The following FMN1 variants were observed in gnomAD, a reference collection of about 807,000 sequenced individuals.
FMN1 encodes the protein formin-1.
In FMN1, 110 loss-of-function variants were observed where a neutral mutation model predicts 132.4. The ratio of observed to expected loss-of-function variants is 0.83; its 90% CI spans 0.71 to 0.97. FMN1 has a LOEUF of 0.97. FMN1 is among the 50% of genes least tolerant of loss of function. FMN1 has a pLI of 0.00. For synonymous variants in FMN1, 722 were observed against 651.7 expected, an observed-to-expected ratio of 1.11 and a Z score of -1.64; for missense variants, 1,792 against 1,705.3, an observed-to-expected ratio of 1.05 and a Z score of -0.90.
chr15:32,982,845 A>G (rs1335294838), intron 7 of FMN1, among the ~76,000 whole-genome samples: 2 of 152,010 alleles, frequency 1.3e-5, no homozygotes, highest in Non-Finnish European at 2.9e-5. Context: ...GCCCTCCTGA[A>G]TCTCAGGCCT....
At chr15:33,076,226 G>A (rs1177816547) in intron 5 of FMN1, among the ~76,000 whole-genome samples, 4 of 152,076 alleles carry the variant, frequency 2.6e-5, no homozygotes, top group Non-Finnish European at 5.9e-5. Context: ...GTTCCATATG[G>A]CTAATGACAG....
intron 17 of FMN1, among the ~76,000 whole-genome samples, chr15:32,855,484 T>G (rs2059110915): frequency 6.6e-6 from 1 of 152,182 alleles, no homozygotes; most frequent in Admixed American, 6.5e-5. Flanking sequence ...ATTTGCAAAT[T>G]GCTTTTCCAA....
At chr15:33,169,387 T>C (rs1236375714) in intron 3 of FMN1, among the ~76,000 whole-genome samples, 1 of 152,180 alleles carries the variant, frequency 6.6e-6, no homozygotes, top group East Asian at 1.9e-4. Context: ...AACAGTTTAA[T>C]AAAAACAATT....
chr15:32,949,722 A>C (rs1032233720), intron 9 of FMN1, among the ~76,000 whole-genome samples: 3 of 151,652 alleles, frequency 2.0e-5, no homozygotes, highest in Non-Finnish European at 4.4e-5. Flanking sequence ...AATTAAACTA[A>C]AGAGCTCCTA....
At chr15:33,043,668 C>G (rs1210725765) in intron 6 of FMN1, among the ~76,000 whole-genome samples, 1 of 152,226 alleles carries the variant, frequency 6.6e-6, no homozygotes, top group Non-Finnish European at 1.5e-5. Flanking sequence ...GTACTGATGG[C>G]AGCGGCGGCC....
chr15:32,815,177 C>T (rs181176890), intron 17 of FMN1, among the ~76,000 whole-genome samples: 8,911 of 152,146 alleles, frequency 0.059, 860 homozygotes, highest in African/African-American at 0.2. Flanking sequence ...CTCCTGACCT[C>T]GTGATCTGCC....
At chr15:33,121,526 TTTTGTTTTG>T (rs1190482195) in intron 4 of FMN1, among the ~76,000 whole-genome samples, 1 of 152,028 alleles carries the variant, frequency 6.6e-6, no homozygotes, top group Non-Finnish European at 1.5e-5. Context: ...GACAAGTTGG[TTTTGTTTTG>T]TTTGTTTTGT....
chr15:32,857,813 G>A (rs550811539), intron 16 of FMN1, among the ~76,000 whole-genome samples: 19 of 152,176 alleles, frequency 1.2e-4, no homozygotes, highest in African/African-American at 2.2e-4. Context: ...GGATAGTTAC[G>A]ATTTGTCTAC....
Position 32,900,704 on chromosome 15 carries a change from T to TA in FMN1, c.3508-580dup, listed in dbSNP as rs554982377. 1.4e-4 allele frequency among the ~76,000 whole-genome samples: 22 copies of TA among 152,372 alleles called. No homozygotes were observed. The South Asian group carries it at 4.3e-3, about 30-fold the overall frequency. On this transcript the variant is annotated intron_variant, in intron 13 of 20. Transcript: ENST00000616417. ...ATTAAGTGCTTGTTGTATTGTCTAT[T>TA]AACTTTTACAATTTCAAGCTGCTTA...
chr15:32,916,372 AG>A (rs2060684196), intron 10 of FMN1, among the ~76,000 whole-genome samples: 1 of 152,224 alleles, frequency 6.6e-6, no homozygotes, highest in South Asian at 2.1e-4. Flanking sequence ...TGCTGTTCGA[AG>A]GGCTTCTAAT....
At chr15:32,853,794 T>G (rs1266613821) in intron 17 of FMN1, among the ~76,000 whole-genome samples, 1 of 152,200 alleles carries the variant, frequency 6.6e-6, no homozygotes, top group African/African-American at 2.4e-5. Flanking sequence ...TTTGGTTACG[T>G]AGCCCCACTT....
chr15:33,029,877 G>T (rs540188798), intron 6 of FMN1, among the ~76,000 whole-genome samples: 8 of 152,292 alleles, frequency 5.3e-5, no homozygotes, highest in Non-Finnish European at 1.0e-4. Context: ...CTTTTCAAAG[G>T]CCAGGTGCGG....
intron 6 of FMN1, among the ~76,000 whole-genome samples, chr15:33,049,505 T>C (rs2036866216): frequency 6.6e-6 from 1 of 152,192 alleles, no homozygotes. Context: ...ATTAGTAATT[T>C]ATGATGGTGA....
At chr15:32,964,738 TAC>T (rs1190976229) in intron 8 of FMN1, among the ~76,000 whole-genome samples, 2 of 152,222 alleles carry the variant, frequency 1.3e-5, no homozygotes, top group African/African-American at 2.4e-5. Context: ...TACTTTTAAA[TAC>T]AGTTTTTAGG....
At chr15:32,992,839 G>A (rs546178488) in intron 7 of FMN1, among the ~76,000 whole-genome samples, 35 of 152,162 alleles carry the variant, frequency 2.3e-4, no homozygotes, top group South Asian at 8.3e-4. Flanking sequence ...TCATTTTTAC[G>A]GAGTAAAATA....
chr15:32,878,000 A>G (rs1052370944), intron 16 of FMN1, among the ~76,000 whole-genome samples: 1 of 146,726 alleles, frequency 6.8e-6, no homozygotes, highest in Non-Finnish European at 1.5e-5. Flanking sequence ...GAAAATTTAC[A>G]AACAAATAAA....
chr15:32,776,371 A>G (rs370449325), intron 20 of FMN1, among the ~76,000 whole-genome samples: 3 of 152,298 alleles, frequency 2.0e-5, no homozygotes, highest in African/African-American at 7.2e-5. Flanking sequence ...GGAGACCCAG[A>G]ATCTGGTCCT....
chr15:32,937,611 TAGAG>T (rs2140422238), intron 9 of FMN1, among the ~76,000 whole-genome samples: 1 of 152,246 alleles, frequency 6.6e-6, no homozygotes, highest in East Asian at 1.9e-4. Flanking sequence ...CATCCATGGA[TAGAG>T]AGAGAAGACA....
intron 2 of FMN1, among the ~76,000 whole-genome samples, chr15:33,184,905 T>TTTATAAATGTAATCCAC (rs1406072648): frequency 6.6e-6 from 1 of 152,232 alleles, no homozygotes; most frequent in Non-Finnish European, 1.5e-5. Flanking sequence ...TTGAATGCTC[T>TTTATAAATGTAATCCAC]TTATAAATGT....
Sources: gnomAD v4.1 joint callset for allele counts (sites outside exome capture counted in the v4.1 genomes callset) on GRCh38, gnomAD v4.1.1 for gene constraint, MANE v1.5 for transcripts, NCBI Gene and HGNC (gene_info 2026-07-23, HGNC 2026-07-21) for gene names.